PDGFC: variants seen among roughly 807,000 people sequenced by gnomAD.
PDGFC encodes the protein platelet-derived growth factor C.
In PDGFC, 12 loss-of-function variants were observed where a neutral mutation model predicts 35.5. That is an observed-to-expected ratio of 0.34 (90% confidence interval 0.22 to 0.55). The LOEUF (loss-of-function observed/expected upper bound fraction) is 0.55, where lower values mean the gene tolerates loss of function less well. PDGFC is among the 20% of genes least tolerant of loss of function. PDGFC has a pLI of 0.91. For synonymous variants in PDGFC, 159 were observed against 148.8 expected, an observed-to-expected ratio of 1.07 and a Z score of -0.50; for missense variants, 322 against 412.4, an observed-to-expected ratio of 0.78 and a Z score of 1.90.
intron 1 of PDGFC, among the ~76,000 whole-genome samples, chr4:156,884,541 AG>A (rs1376605657): frequency 6.6e-6 from 1 of 152,232 alleles, no homozygotes; most frequent in Non-Finnish European, 1.5e-5. Context: ...CTAGATCCAA[AG>A]AAGTGAAACA....
chr4:156,918,484 T>A (rs1463438158), intron 1 of PDGFC, among the ~76,000 whole-genome samples: 2 of 152,142 alleles, frequency 1.3e-5, no homozygotes, highest in Non-Finnish European at 2.9e-5. Context: ...CTGGTACCAG[T>A]CCTTGGCCTG....
intron 2 of PDGFC, among the ~76,000 whole-genome samples, chr4:156,822,793 C>T (rs1431495985): frequency 2.0e-5 from 3 of 152,026 alleles, no homozygotes; most frequent in African/African-American, 4.8e-5. Context: ...TGGAGTTTTG[C>T]TCCTGTTACC....
At chr4:156,898,265 C>T (rs1447283976) in intron 1 of PDGFC, among the ~76,000 whole-genome samples, 2 of 152,184 alleles carry the variant, frequency 1.3e-5, no homozygotes, top group African/African-American at 2.4e-5. Flanking sequence ...CAATCTTGGA[C>T]TTCCCAGCCT....
intron 4 of PDGFC, among the ~76,000 whole-genome samples, chr4:156,768,969 A>G (rs1360035692): frequency 1.3e-5 from 2 of 151,972 alleles, no homozygotes; most frequent in Non-Finnish European, 2.9e-5. Flanking sequence ...ATTAGGATAA[A>G]GACTTCTAAT....
intron 1 of PDGFC, among the ~76,000 whole-genome samples, chr4:156,966,811 C>T (rs1732477501): frequency 6.6e-6 from 1 of 152,144 alleles, no homozygotes; most frequent in South Asian, 2.1e-4. Flanking sequence ...TCCTACAAAC[C>T]TCTGTACTTT....
chr4:156,866,109 C>T (rs555072769), intron 1 of PDGFC, among the ~76,000 whole-genome samples: 11 of 152,216 alleles, frequency 7.2e-5, no homozygotes, highest in African/African-American at 2.6e-4. Flanking sequence ...CTCTCCACTG[C>T]CCCCACCCGA....
chr4:156,926,372 G>C (rs1731412820), intron 1 of PDGFC, among the ~76,000 whole-genome samples: 1 of 151,068 alleles, frequency 6.6e-6, no homozygotes, highest in African/African-American at 2.5e-5. Flanking sequence ...TGATACAGGA[G>C]GGGAGGAGGG....
intron 5 of PDGFC, among the ~76,000 whole-genome samples, chr4:156,765,780 A>G (rs1321865748): frequency 6.6e-6 from 1 of 152,200 alleles, no homozygotes; most frequent in Non-Finnish European, 1.5e-5. Context: ...AAAATTCATT[A>G]AATCTTTATT....
intron 1 of PDGFC, among the ~76,000 whole-genome samples, chr4:156,894,115 T>C (rs748058223): frequency 4.6e-5 from 7 of 152,192 alleles, no homozygotes; most frequent in Non-Finnish European, 7.4e-5. Context: ...TAAAAATATA[T>C]CCATGCCTAA....
At chr4:156,780,337 T>A (rs923554112) in intron 3 of PDGFC, among the ~76,000 whole-genome samples, 2 of 152,154 alleles carry the variant, frequency 1.3e-5, no homozygotes, top group Middle Eastern at 6.8e-3. Flanking sequence ...AAATGTAAAC[T>A]AAGAACTATT....
chr4:156,793,604 C>T (rs969016702), intron 3 of PDGFC, among the ~76,000 whole-genome samples: 1 of 148,706 alleles, frequency 6.7e-6, no homozygotes, highest in African/African-American at 2.5e-5. Context: ...TACATGATCA[C>T]ACTTTAAAAT....
At chr4:156,878,320 C>T (rs1205295934) in intron 1 of PDGFC, among the ~76,000 whole-genome samples, 4 of 152,018 alleles carry the variant, frequency 2.6e-5, no homozygotes, top group Admixed American at 2.0e-4. Context: ...CCAATCATTC[C>T]GTGCTTAGGA....
intron 1 of PDGFC, among the ~76,000 whole-genome samples, chr4:156,934,043 A>G (rs1731618324): frequency 6.6e-6 from 1 of 152,222 alleles, no homozygotes; most frequent in Non-Finnish European, 1.5e-5. Context: ...TGTGTGTTAG[A>G]TAAGCTTCCT....
intron 3 of PDGFC, among the ~76,000 whole-genome samples, chr4:156,798,240 T>G (rs1731503751): frequency 6.6e-6 from 1 of 151,942 alleles, no homozygotes; most frequent in Non-Finnish European, 1.5e-5. Flanking sequence ...AACAAAAACC[T>G]TAAAGAGGCA....
intron 1 of PDGFC, among the ~76,000 whole-genome samples, chr4:156,890,938 T>C (rs1200817149): frequency 1.3e-5 from 2 of 152,154 alleles, no homozygotes; most frequent in African/African-American, 2.4e-5. Context: ...TGTATATACA[T>C]TCACGTGTCC....
Position 156,970,830 on chromosome 4 carries a change from T to C in PDGFC, c.74A>G (p.Asn25Ser), listed in dbSNP as rs1182260986. ...GQRQGTQAES[N>S]LSSKFQFSSN... Reference sequence around the variant, plus strand: ...GGAAAACTGGAATTTACTACTCAGGTTGGATTCCGCCTGAGTCCCCTGTCT... The same window carrying C: ...GGAAAACTGGAATTTACTACTCAGGCTGGATTCCGCCTGAGTCCCCTGTCT... The change falls in exon 1 of 6, where the codon AAC (asparagine) becomes AGC (serine). Residue 25 changes from asparagine (N) to serine (S), a missense_variant. Around this residue, in one of 2 missense-constraint regions of PDGFC, gnomAD observed 120 missense variants for 116.6 expected, o/e 1.03. Transcript: ENST00000502773. The C allele has an allele frequency of 3.1e-6, 5 of 1,613,396 alleles. No homozygotes were observed. The highest frequency in any genetic ancestry group is 4.2e-6 in the Non-Finnish European group (5 of 1,179,484).
chr4:156,953,032 CA>C (rs1334605775), intron 1 of PDGFC, among the ~76,000 whole-genome samples: 3 of 151,808 alleles, frequency 2.0e-5, no homozygotes, highest in Admixed American at 2.0e-4. Context: ...GGAGTACCAA[CA>C]AAAAGCCTAA....
At chr4:156,948,688 C>T (rs144859746) in intron 1 of PDGFC, among the ~76,000 whole-genome samples, 32 of 152,060 alleles carry the variant, frequency 2.1e-4, no homozygotes, top group African/African-American at 6.3e-4. Flanking sequence ...AGTACCAACA[C>T]CCCCACCGCT....
chr4:156,892,991 C>A (rs936539660), intron 1 of PDGFC, among the ~76,000 whole-genome samples: 1 of 152,088 alleles, frequency 6.6e-6, no homozygotes, highest in Non-Finnish European at 1.5e-5. Context: ...CACTATCCAC[C>A]CCTACCACAC....
Sources: gnomAD v4.1 joint callset for allele counts (sites outside exome capture counted in the v4.1 genomes callset) on GRCh38, gnomAD v4.1.1 for gene constraint, gnomAD v4.1.1 regional missense constraint, MANE v1.5 for transcripts, NCBI Gene and HGNC (gene_info 2026-07-23, HGNC 2026-07-21) for gene names.